Variants in LRRC4C observed in about 807,000 individuals in gnomAD.
LRRC4C encodes the protein leucine-rich repeat-containing protein 4C.
A neutral mutation model predicts 33.6 loss-of-function variants in LRRC4C; 5 were observed. The ratio of observed to expected loss-of-function variants is 0.15; its 90% CI spans 0.08 to 0.31. The LOEUF is 0.31. Ranked by LOEUF, LRRC4C falls within the 10% of genes least tolerant of loss-of-function variation. The pLI is 1.00. For synonymous variants in LRRC4C, 329 were observed against 302.0 expected, an observed-to-expected ratio of 1.09 and a Z score of -0.93; for missense variants, 560 against 796.7, an observed-to-expected ratio of 0.70 and a Z score of 3.58.
At chr11:40,364,260 G>C (rs754857919) in intron 3 of LRRC4C, among the ~76,000 whole-genome samples, 34 of 152,020 alleles carry the variant, frequency 2.2e-4, no homozygotes, top group Non-Finnish European at 4.0e-4. Flanking sequence ...ATCAGCCAAT[G>C]AAACAGACGT....
chr11:40,909,985 C>T (rs1430088618), intron 2 of LRRC4C, among the ~76,000 whole-genome samples: 1 of 151,998 alleles, frequency 6.6e-6, no homozygotes, highest in East Asian at 1.9e-4. Context: ...CCCTATTTTT[C>T]CTTCATGTCT....
intron 2 of LRRC4C, among the ~76,000 whole-genome samples, chr11:40,826,209 C>G (rs1255635409): frequency 6.6e-6 from 1 of 151,916 alleles, no homozygotes; most frequent in Middle Eastern, 3.2e-3. Flanking sequence ...AACTTTCTTC[C>G]TGGAGATACA....
chr11:41,275,425 A>G (rs1311120689), intron 1 of LRRC4C, among the ~76,000 whole-genome samples: 3 of 152,210 alleles, frequency 2.0e-5, no homozygotes, highest in South Asian at 2.1e-4. Context: ...AATAAAGATT[A>G]TTCAGTAAAT....
At chr11:41,389,067 G>A (rs1953477119) in intron 1 of LRRC4C, among the ~76,000 whole-genome samples, 1 of 151,760 alleles carries the variant, frequency 6.6e-6, no homozygotes, top group African/African-American at 2.4e-5. Context: ...AAAAAATAAA[G>A]TTATCTAAAA....
intron 2 of LRRC4C, among the ~76,000 whole-genome samples, chr11:40,917,745 A>G: frequency 6.6e-6 from 1 of 152,130 alleles, no homozygotes; most frequent in East Asian, 1.9e-4. Flanking sequence ...AAGGAGAACC[A>G]CAGCATTCTG....
In LRRC4C at chr11:40,115,675, C is replaced by A. The variant is rs775124868; in HGVS notation, c.618G>T (p.Met206Ile). 6.2e-7 allele frequency: 1 copy of A among 1,614,048 alleles called. No homozygotes were observed. Among genetic ancestry groups the A allele is most frequent in the African/African-American group, 1.3e-5 (1 of 74,910 alleles). ...LSNLRYLNLA[M>I]CNLREIPNLT... Reference sequence around the variant, plus strand: ...GGTTAGGGATTTCCCGAAGGTTGCACATGGCAAGGTTCAAATACCTCAAGT... The same window carrying A: ...GGTTAGGGATTTCCCGAAGGTTGCAAATGGCAAGGTTCAAATACCTCAAGT... The change falls in exon 7 of 7, where the codon ATG becomes ATT. Residue 206 changes from methionine (M) to isoleucine (I), a missense_variant. Physicochemically the swap from Met to Ile is conservative, Grantham distance 10 (BLOSUM62 1). This residue lies in a region of LRRC4C where 455 missense variants were observed against 643.8 expected (regional missense o/e 0.71). Coordinates refer to ENST00000528697, the MANE Select transcript of LRRC4C (RefSeq NM_001258419.2). This position sits in a 1 kb window ranked among gnomAD's most constrained non-coding sequence, Gnocchi z 6.7.
At chr11:41,364,993 G>A (rs1952484178) in intron 1 of LRRC4C, among the ~76,000 whole-genome samples, 1 of 151,950 alleles carries the variant, frequency 6.6e-6, no homozygotes, top group Admixed American at 6.5e-5. Context: ...GTGTGTGCAC[G>A]TGATATTTGT....
At chr11:40,642,253 T>C (rs150814674) in intron 3 of LRRC4C, among the ~76,000 whole-genome samples, 2 of 152,212 alleles carry the variant, frequency 1.3e-5, no homozygotes, top group African/African-American at 4.8e-5. Context: ...GCTACAGTAA[T>C]CACTTGAGTT....
At chr11:41,260,864 C>T (rs1948959628) in intron 1 of LRRC4C, among the ~76,000 whole-genome samples, 1 of 151,948 alleles carries the variant, frequency 6.6e-6, no homozygotes, top group South Asian at 2.1e-4. Flanking sequence ...AAGCCCAAGC[C>T]AGGAAAATTG....
chr11:41,222,442 A>T (rs1947348874), intron 1 of LRRC4C, among the ~76,000 whole-genome samples: 1 of 152,182 alleles, frequency 6.6e-6, no homozygotes, highest in Non-Finnish European at 1.5e-5. Flanking sequence ...CTCAAGTCAG[A>T]CATCTGATAG....
intron 3 of LRRC4C, among the ~76,000 whole-genome samples, chr11:40,497,573 T>C (rs897656162): frequency 6.6e-6 from 1 of 152,092 alleles, no homozygotes; most frequent in African/African-American, 2.4e-5. Flanking sequence ...TTTGAAAAGG[T>C]GAAGCTACAA....
At chr11:40,175,122 G>T (rs1316536935) in intron 5 of LRRC4C, among the ~76,000 whole-genome samples, 2 of 152,172 alleles carry the variant, frequency 1.3e-5, no homozygotes, top group Non-Finnish European at 2.9e-5. Context: ...ATTGCATCTT[G>T]TCTATGTTGA....
chr11:41,005,863 T>C (rs886648299), intron 1 of LRRC4C, among the ~76,000 whole-genome samples: 1 of 152,164 alleles, frequency 6.6e-6, no homozygotes, highest in African/African-American at 2.4e-5. Flanking sequence ...CTAACACAGA[T>C]ACATTTCCTA....
At position 41,128,815 on chromosome 11, in the gene LRRC4C, T is replaced by C. The variant is rs938871973; in HGVS notation, c.-495-195092A>G. ...CCCAAGCAGTTGTCTTTTGGTACCA[T>C]TTTCACTACTGTGGAAAAGTTACAT... On this transcript the variant is annotated intron_variant, in intron 1 of 6. Coordinates refer to ENST00000528697, the MANE Select transcript of LRRC4C (RefSeq NM_001258419.2). 7.2e-5 allele frequency among the ~76,000 whole-genome samples: 11 copies of C among 152,130 alleles called. No homozygotes were observed. In the South Asian group the frequency reaches 1.9e-3, roughly 26 times the overall value.
intron 5 of LRRC4C, among the ~76,000 whole-genome samples, chr11:40,237,046 T>G (rs1012529135): frequency 1.1e-4 from 16 of 152,192 alleles, no homozygotes; most frequent in Non-Finnish European, 8.8e-5. Context: ...AAGCAATTTC[T>G]GCATATTAAG....
chr11:40,871,780 C>T (rs7946746), intron 2 of LRRC4C, among the ~76,000 whole-genome samples: 13,274 of 152,182 alleles, frequency 0.087, 631 homozygotes, highest in Non-Finnish European at 0.1. Context: ...ACACGCTGTA[C>T]TTTTCCTCTC....
intron 6 of LRRC4C, among the ~76,000 whole-genome samples, chr11:40,118,899 C>G (rs1470313021): frequency 6.6e-6 from 1 of 152,134 alleles, no homozygotes; most frequent in African/African-American, 2.4e-5. Flanking sequence ...GGGGCACAGA[C>G]AAGCAATGGA....
intron 2 of LRRC4C, among the ~76,000 whole-genome samples, chr11:40,903,154 G>A (rs1452637866): frequency 6.6e-6 from 1 of 152,090 alleles, no homozygotes; most frequent in African/African-American, 2.4e-5. Flanking sequence ...TGATGCTAAT[G>A]CCCATTTACC....
chr11:41,372,154 AT>A (rs1952774252), intron 1 of LRRC4C, among the ~76,000 whole-genome samples: 1 of 152,206 alleles, frequency 6.6e-6, no homozygotes, highest in Non-Finnish European at 1.5e-5. Flanking sequence ...CAATAAAAAA[AT>A]AAAATAAAAT....
Sources: gnomAD v4.1 joint callset for allele counts (sites outside exome capture counted in the v4.1 genomes callset) on GRCh38, gnomAD v4.1.1 for gene constraint, gnomAD v4.1.1 regional missense constraint, Gnocchi (gnomAD v3.1) non-coding constraint, MANE v1.5 for transcripts, NCBI Gene and HGNC (gene_info 2026-07-23, HGNC 2026-07-21) for gene names.